LMO7: variants seen among roughly 807,000 people sequenced by gnomAD.
LMO7 encodes the protein LIM domain only protein 7.
A neutral mutation model predicts 206.5 loss-of-function variants in LMO7; 120 were observed. The observed-to-expected ratio is 0.58, with a 90% CI of 0.50 to 0.68. LMO7 has a LOEUF of 0.68. Among genes scored for constraint, LMO7 ranks in the 30% least tolerant of loss-of-function variants. The pLI is 0.00. For synonymous variants in LMO7, 706 were observed against 681.5 expected (o/e 1.04, Z -0.56); for missense variants, 1,959 against 1,957.9 (o/e 1.00, Z -0.01).
intron 27 of LMO7, among the ~76,000 whole-genome samples, chr13:75,850,647 C>T (rs916371493): frequency 6.6e-6 from 1 of 152,154 alleles, no homozygotes; most frequent in Non-Finnish European, 1.5e-5. Flanking sequence ...CACAATCTCT[C>T]ACAGTCCTGA....
intron 3 of LMO7, among the ~76,000 whole-genome samples, chr13:75,733,263 C>G (rs1016890279): frequency 6.6e-6 from 1 of 152,260 alleles, no homozygotes; most frequent in Admixed American, 6.5e-5. Flanking sequence ...CCTTCTTGAG[C>G]TGTGGTGGGC....
chr13:75,677,812 T>G (rs1322170470), intron 1 of LMO7, among the ~76,000 whole-genome samples: 2 of 102,664 alleles, frequency 1.9e-5, no homozygotes, highest in Admixed American at 1.5e-4. Flanking sequence ...CCCACAACAG[T>G]CCCCGGTGTG....
intron 12 of LMO7, among the ~76,000 whole-genome samples, chr13:75,819,011 T>C (rs1175837145): frequency 6.6e-6 from 1 of 152,234 alleles, no homozygotes; most frequent in African/African-American, 2.4e-5. Context: ...GTTTCTGTTT[T>C]GGCCTTACCA....
intron 1 of LMO7, among the ~76,000 whole-genome samples, chr13:75,663,338 T>A (rs905254489): frequency 6.6e-6 from 1 of 151,284 alleles, no homozygotes; most frequent in Non-Finnish European, 1.5e-5. Context: ...TTTTTAAAAA[T>A]TTTTATATTC....
At chr13:75,842,171 C>G (rs1251679108) in intron 24 of LMO7, among the ~76,000 whole-genome samples, 188 bp downstream of exon 24, 1 of 152,212 alleles carries the variant, frequency 6.6e-6, no homozygotes, top group Non-Finnish European at 1.5e-5. Context: ...CACTCCAAGT[C>G]ACTTCCTGTC....
chr13:75,750,501 C>T (rs1243481862), intron 3 of LMO7, among the ~76,000 whole-genome samples: 2 of 151,632 alleles, frequency 1.3e-5, no homozygotes, highest in African/African-American at 4.8e-5. Context: ...GCTGTACTCC[C>T]ACTTCAGCCT....
intron 1 of LMO7, among the ~76,000 whole-genome samples, chr13:75,676,978 T>G (rs1292091769): frequency 6.6e-6 from 1 of 152,246 alleles, no homozygotes; most frequent in African/African-American, 2.4e-5. Flanking sequence ...GATCAGATCC[T>G]AGTAGTACAA....
intron 3 of LMO7, among the ~76,000 whole-genome samples, chr13:75,742,955 A>T (rs1056718475): frequency 6.6e-6 from 1 of 152,208 alleles, no homozygotes; most frequent in Non-Finnish European, 1.5e-5. Flanking sequence ...AATGGGAGAA[A>T]ATTTTTGCAA....
rs1463644327 is a variant in LMO7 at position 75,713,238 on chromosome 13, T to A, written c.126T>A (p.Gly42=). 30 of 1,608,954 alleles carry A rather than the reference T, an allele frequency of 1.9e-5. No homozygotes were observed. The highest frequency in any genetic ancestry group is 2.5e-5 in the Non-Finnish European group (29 of 1,176,236). The part of the protein sequence containing the change: ...TKDFRASLEN[G]VLLCDLINKL... Reference sequence around the variant, plus strand: ...ATTTTCGAGCCTCTCTAGAAAATGGTGTTCTGCTGTGTGAGTAAGTATTTA... The same window carrying A: ...ATTTTCGAGCCTCTCTAGAAAATGGAGTTCTGCTGTGTGAGTAAGTATTTA... The change falls in exon 2 of 31, where the codon GGT becomes GGA. Residue 42 remains glycine, a synonymous_variant. Coordinates refer to ENST00000377534, the MANE Select transcript of LMO7 (RefSeq NM_001306080.2).
chr13:75,627,472 A>G (rs2034349404), intron 2 of LMO7: 1 of 152,202 alleles, frequency 6.6e-6, no homozygotes. Context: ...AATATAGTGC[A>G]TACTGTGCTT....
At chr13:75,824,020 T>C (rs1307073360) in intron 15 of LMO7, 147 bp downstream of exon 15, 1 of 663,432 alleles carries the variant, frequency 1.5e-6, no homozygotes, top group Non-Finnish European at 2.6e-6. Flanking sequence ...GAACAGATCT[T>C]GGAGGAAGTA....
rs187042984 is a variant in LMO7, at chr13:75,663,523, C to T, written c.69+26797C>T. Among the ~76,000 whole-genome samples, 498 of 149,558 alleles carry T rather than the reference C, an allele frequency of 3.3e-3. 4 individuals carry two copies. Among genetic ancestry groups the T allele is most frequent in the African/African-American group, 0.012 (482 of 40,594 alleles). The stretch of plus-strand genomic sequence containing the variant: ...TCGGCTCACTGCAAGCTCTGCCTCC[C>T]GGGTTCACACCATTCTCCTGCATCA... On this transcript the variant is annotated intron_variant, in intron 1 of 30. Transcript: ENST00000377534.
At chr13:75,688,464 T>C (rs1035544761) in intron 1 of LMO7, 1 of 152,246 alleles carries the variant, frequency 6.6e-6, no homozygotes, top group Non-Finnish European at 1.5e-5. Context: ...TCAACTTCTG[T>C]CGGTTTTCTG....
chr13:75,664,731 G>C (rs1388299606), intron 1 of LMO7, among the ~76,000 whole-genome samples: 1 of 152,150 alleles, frequency 6.6e-6, no homozygotes, highest in Admixed American at 6.5e-5. Context: ...CTTTTAACTG[G>C]TGTGAGATGA....
Position 75,841,132 on chromosome 13 carries a change from G to T in LMO7, c.3606G>T (p.Glu1202Asp). ...LLQEKYQREQ[E>D]KLREEWQRAK... is the part of the protein sequence containing the mutation. ...AGGAAAAATATCAACGTGAGCAGGA[G>T]AAACTGAGGGAAGAGTGGCAAAGGG... The change falls in exon 23 of 31, where the codon GAG becomes GAT. Residue 1202 changes from glutamate (E) to aspartate (D), a missense_variant. Transcript: ENST00000377534. 6.2e-7 allele frequency: 1 copy of T among 1,612,534 alleles called. No individual in the cohort carries two copies. Among genetic ancestry groups the T allele is most frequent in the Non-Finnish European group, 8.5e-7 (1 of 1,178,698 alleles).
At chr13:75,810,710 G>A (rs2056260574) in intron 11 of LMO7, among the ~76,000 whole-genome samples, 2 of 152,172 alleles carry the variant, frequency 1.3e-5, no homozygotes, top group African/African-American at 2.4e-5. Context: ...CTCAGAAATA[G>A]TTGCTTTTCT....
Position 75,855,317 on chromosome 13 carries a change from C to A in LMO7, c.4719C>A (p.Ala1573=), listed in dbSNP as rs763979347. 3 of 1,613,846 alleles carry A rather than the reference C, an allele frequency of 1.9e-6. No individual in the cohort carries two copies. Among genetic ancestry groups the A allele is most frequent in the South Asian group, 2.2e-5 (2 of 91,072 alleles). Residue 1573 remains alanine (A), a synonymous_variant, in exon 29 of 31, where the codon GCC becomes GCA. Transcript: ENST00000377534. Reference sequence around the variant, plus strand: ...GCAATAACATTCTGGGCAAAGGAGCCGCCATGATCATCGAGTCCCTGGGTC... The same window carrying A: ...GCAATAACATTCTGGGCAAAGGAGCAGCCATGATCATCGAGTCCCTGGGTC... ...SYCNNILGKG[A]AMIIESLGLC...
intron 1 of LMO7, among the ~76,000 whole-genome samples, chr13:75,660,451 CTCCAT>C (rs1259411738): frequency 1.3e-5 from 2 of 152,174 alleles, no homozygotes; most frequent in African/African-American, 4.8e-5. Context: ...GGAATGGCAT[CTCCAT>C]TCCATCATTT....
At chr13:75,729,717 G>T (rs907637773) in intron 3 of LMO7, among the ~76,000 whole-genome samples, 1 of 151,536 alleles carries the variant, frequency 6.6e-6, no homozygotes, top group African/African-American at 2.4e-5. Flanking sequence ...GTTTTCAAAG[G>T]GAATGCTTCC....
Sources: gnomAD v4.1 joint callset for allele counts (sites outside exome capture counted in the v4.1 genomes callset) on GRCh38, gnomAD v4.1.1 for gene constraint, MANE v1.5 for transcripts, NCBI Gene and HGNC (gene_info 2026-07-23, HGNC 2026-07-21) for gene names.